STK11IP: variants seen among roughly 807,000 people sequenced by gnomAD.
STK11IP encodes the protein serine/threonine kinase 11 interacting protein.
Under a neutral mutation model 131.7 loss-of-function variants are expected in STK11IP, and 103 were observed. That is an observed-to-expected ratio of 0.78 (90% CI 0.67 to 0.92). STK11IP has a LOEUF of 0.92. Among genes scored for constraint, STK11IP ranks in the 40% least tolerant of loss-of-function variants. STK11IP has a pLI of 0.00. For missense variants in STK11IP, 1,315 were observed against 1,385.7 expected, an observed-to-expected ratio of 0.95 and a Z score of 0.81; for synonymous variants, 557 against 575.6, an observed-to-expected ratio of 0.97 and a Z score of 0.46.
chr2:219,610,998 C>T (rs572633640), intron 17 of STK11IP, among the ~76,000 whole-genome samples: 1 of 152,202 alleles, frequency 6.6e-6, no homozygotes, highest in Non-Finnish European at 1.5e-5. Flanking sequence ...ATGCCCATCA[C>T]GGTGTAGCTG....
rs753634566 is a variant in STK11IP, at chr2:219,602,556, C to T, written c.527C>T (p.Thr176Ile). 3.1e-6 allele frequency: 5 copies of T among 1,614,030 alleles called. No homozygotes were observed. Among genetic ancestry groups the T allele is most frequent in the South Asian group, 2.2e-5 (2 of 91,088 alleles). The change falls in exon 6 of 25, where the codon ACC (threonine) becomes ATC (isoleucine). Residue 176 changes from threonine (T) to isoleucine (I), a missense_variant. By Grantham distance (89) the Thr-to-Ile change is moderately conservative. Transcript: ENST00000456909. ...GCCAACTTCAGCTACAATGCACTGA[C>T]CGCCTTAGACAGCTCCCTGGTGAGT... Reference protein sequence around the residue: ...LSANFSYNALTALDSSLRLLS... With the variant: ...LSANFSYNALIALDSSLRLLS...
chr2:219,601,910 C>T, intron 4 of STK11IP, 78 bp from the exon 5 acceptor site: 2 of 1,367,348 alleles, frequency 1.5e-6, no homozygotes, highest in South Asian at 1.2e-5. Context: ...CTTCTCCCTC[C>T]TCCCAACTAG....
chr2:219,614,333 C>T, intron 22 of STK11IP, 91 bp downstream of exon 22: 3 of 1,552,014 alleles, frequency 1.9e-6, no homozygotes, highest in Non-Finnish European at 2.7e-6. Flanking sequence ...AGGTCCTGGG[C>T]AGCCACCTGT....
chr2:219,611,858 T>C (rs1698407738), intron 18 of STK11IP, 24 bp downstream of exon 18: 8 of 1,596,868 alleles, frequency 5.0e-6, no homozygotes, highest in Non-Finnish European at 6.8e-6. Flanking sequence ...AAACAAGACA[T>C]AGATGAGTTT....
In STK11IP at chr2:219,598,147, T is replaced by C; in HGVS notation, c.28T>C (p.Leu10=). The C allele has an allele frequency of 1.3e-6, 2 of 1,583,890 alleles. No homozygotes were observed. Among genetic ancestry groups the C allele is most frequent in the Non-Finnish European group, 1.7e-6 (2 of 1,165,260 alleles). ...GACGACCGCTCAGAGGGACTCCCTG[T>C]TGTGGAAGCTCGCGGGGTTGCTGCG... The part of the protein sequence containing the change: MTTAQRDSL[L]WKLAGLLRES... Residue 10 remains leucine, a synonymous_variant, in exon 2 of 25, where the codon TTG becomes CTG. Transcript: ENST00000456909.
chr2:219,605,853 G>C (rs549857197), intron 8 of STK11IP, 103 bp from the exon 9 acceptor site: 3 of 1,481,848 alleles, frequency 2.0e-6, no homozygotes, highest in Non-Finnish European at 1.8e-6. Context: ...GTGCAGGGGT[G>C]CTCTGGCCGG....
intron 2 of STK11IP, 67 bp from the exon 3 acceptor site, chr2:219,601,168 G>A: frequency 8.8e-6 from 12 of 1,364,140 alleles, no homozygotes; most frequent in Non-Finnish European, 1.1e-5. Context: ...TGGCATCATA[G>A]AGCCTTAGAA....
chr2:219,606,150 G>C (rs767919240), intron 9 of STK11IP, 45 bp from the exon 10 acceptor site: 103 of 1,542,596 alleles, frequency 6.7e-5, no homozygotes, highest in Non-Finnish European at 8.4e-5. Context: ...CACAGGGAGG[G>C]CCAGGGCCCC....
chr2:219,602,568 G>T lies in STK11IP; in HGVS notation c.539G>T (p.Ser180Ile). The change falls in exon 6 of 25, where the codon AGC (serine) becomes ATC (isoleucine). Residue 180 changes from serine (S) to isoleucine (I), a missense_variant. Physicochemically the swap from Ser to Ile is moderately radical, Grantham distance 142. Coordinates refer to ENST00000456909, the MANE Select transcript of STK11IP (RefSeq NM_052902.4). ...TACAATGCACTGACCGCCTTAGACA[G>T]CTCCCTGGTGAGTGCCTCAGAGGGA... ...FSYNALTALD[S>I]SLRLLSALRF... 3 of 1,613,902 alleles carry T rather than the reference G, an allele frequency of 1.9e-6. No individual in the cohort carries two copies. The highest frequency in any genetic ancestry group is 2.5e-6 in the Non-Finnish European group (3 of 1,179,778).
Position 219,601,347 on chromosome 2 carries a change from C to T in STK11IP, c.174C>T (p.Gly58=), listed in dbSNP as rs1697976995. The change falls in exon 3 of 25, where the codon GGC becomes GGT. Residue 58 remains glycine, a synonymous_variant. Coordinates refer to ENST00000456909, the MANE Select transcript of STK11IP (RefSeq NM_052902.4). Reference sequence around the variant, plus strand: ...GGCCATGGGGCCCTGGCCAGACAGGCTTTGTGGCTCTGCCCTCCCATCCTG... The same window carrying T: ...GGCCATGGGGCCCTGGCCAGACAGGTTTTGTGGCTCTGCCCTCCCATCCTG... ...HLGPWGPGQT[G]FVALPSHPAD... 1 of 1,613,974 alleles carries T rather than the reference C, an allele frequency of 6.2e-7. No individual in the cohort carries two copies. Among genetic ancestry groups the T allele is most frequent in the African/African-American group, 1.3e-5 (1 of 74,952 alleles).
rs1296367117 is a variant in STK11IP at position 219,613,898 on chromosome 2, G to C, written c.2684G>C (p.Arg895Thr). 1.2e-6 allele frequency: 2 copies of C among 1,610,094 alleles called. No individual in the cohort carries two copies. The highest frequency in any genetic ancestry group is 3.3e-5 in the Admixed American group (2 of 59,764). ...GRCVLLPRDARHCRAFLEELL... is the reference protein window; with the variant it reads ...GRCVLLPRDATHCRAFLEELL... Reference sequence around the variant, plus strand: ...TGTGTGCTGCTGCCCCGAGATGCCAGGCATTGCCGGGCCTTCCTAGAGGAG... The same window carrying C: ...TGTGTGCTGCTGCCCCGAGATGCCACGCATTGCCGGGCCTTCCTAGAGGAG... Residue 895 changes from arginine to threonine, a missense_variant, in exon 21 of 25, where the codon AGG (arginine) becomes ACG (threonine). Physicochemically the swap from Arg to Thr is moderately conservative, Grantham distance 71 (BLOSUM62 -1). Transcript: ENST00000456909.
chr2:219,614,182 C>T lies in STK11IP; in HGVS notation c.2738C>T (p.Pro913Leu), dbSNP rs1321667188. The change falls in exon 22 of 25, where the codon CCT (proline) becomes CTT (leucine). Residue 913 changes from proline to leucine, a missense_variant. Pro to Leu is a moderately conservative substitution (Grantham distance 98). Coordinates refer to ENST00000456909, the MANE Select transcript of STK11IP (RefSeq NM_052902.4). ...CTAGATGTCTTGCAGTCTCTGCCCCCTGCCTGGAGGAACTGTGTCAGTGCC... is the reference window on the plus strand; with the variant it reads ...CTAGATGTCTTGCAGTCTCTGCCCCTTGCCTGGAGGAACTGTGTCAGTGCC... The part of the protein sequence containing the change: ...ELLDVLQSLP[P>L]AWRNCVSATE... The T allele has an allele frequency of 6.2e-6, 10 of 1,613,394 alleles. No individual in the cohort carries two copies. Among genetic ancestry groups the T allele is most frequent in the Non-Finnish European group, 8.5e-6 (10 of 1,179,748 alleles).
At chr2:219,614,066 C>A in intron 21 of STK11IP, 95 bp from the exon 22 acceptor site, 2 of 1,547,124 alleles carry the variant, frequency 1.3e-6, no homozygotes. Flanking sequence ...TTCTGAAATC[C>A]AGAAATGTGG....
At chr2:219,606,629 G>C in intron 11 of STK11IP, 83 bp from the exon 12 acceptor site, 2 of 1,598,046 alleles carry the variant, frequency 1.3e-6, no homozygotes, top group South Asian at 2.2e-5. Context: ...TGGAAAGTAG[G>C]GTCCCGCCTT....
rs1698168156 is a variant in STK11IP at position 219,606,507 on chromosome 2, C to T, written c.977C>T (p.Thr326Ile). 1.2e-6 allele frequency: 2 copies of T among 1,612,696 alleles called. No homozygotes were observed. ...FLLDGKVLSL[T>I]DFQTHTSLGL... Reference sequence around the variant, plus strand: ...CTCGATGGCAAGGTCTTGTCACTGACAGATTTTCAGGTCGGTGTGGTTGGG... The same window carrying T: ...CTCGATGGCAAGGTCTTGTCACTGATAGATTTTCAGGTCGGTGTGGTTGGG... The change falls in exon 11 of 25, where the codon ACA becomes ATA. Residue 326 changes from threonine (T) to isoleucine (I), a missense_variant. By Grantham distance (89) the Thr-to-Ile change is moderately conservative. Coordinates refer to ENST00000456909, the MANE Select transcript of STK11IP (RefSeq NM_052902.4).
intron 18 of STK11IP, 29 bp from the exon 19 acceptor site, chr2:219,611,926 G>A (rs1157067955): frequency 6.3e-7 from 1 of 1,576,666 alleles, no homozygotes; most frequent in Admixed American, 1.8e-5. Flanking sequence ...GCTGCCATGG[G>A]CAGGCTGATG....
chr2:219,599,706 A>G (rs1697916357), intron 2 of STK11IP, among the ~76,000 whole-genome samples: 1 of 150,998 alleles, frequency 6.6e-6, no homozygotes, highest in African/African-American at 2.4e-5. Context: ...ATAGCTATAT[A>G]TACATATTGT....
chr2:219,598,204 G>C, intron 2 of STK11IP, 24 bp downstream of exon 2: 1 of 1,526,208 alleles, frequency 6.6e-7, no homozygotes, highest in Non-Finnish European at 8.8e-7. Context: ...CGGTTGGGCT[G>C]GGCCTCGGAC....
rs758927817 is a variant in STK11IP, at chr2:219,608,106, G to A, written c.1279G>A (p.Gly427Ser). 19 of 1,613,028 alleles carry A rather than the reference G, an allele frequency of 1.2e-5. No individual in the cohort carries two copies. The African/African-American group carries it at 1.5e-4, about 12-fold the overall frequency. ...CATGAGCAGCTTCCGGGAACGGTTC[G>A]GCCGCAACTGGCTGCAGTACAGGAG... ...ELMSSFRERFGRNWLQYRSHL... is the reference protein window; with the variant it reads ...ELMSSFRERFSRNWLQYRSHL... Residue 427 changes from glycine to serine, a missense_variant, in exon 14 of 25, where the codon GGC becomes AGC. Transcript: ENST00000456909.
Sources: allele counts gnomAD v4.1 joint callset (sites outside exome capture counted in the v4.1 genomes callset), GRCh38; gene constraint gnomAD v4.1.1; transcripts MANE v1.5; gene names NCBI Gene and HGNC (gene_info 2026-07-23, HGNC 2026-07-21).